CRK: variants seen among roughly 807,000 people sequenced by gnomAD.
The protein encoded by CRK is CRK proto-oncogene, adaptor protein.
A neutral mutation model predicts 29.8 loss-of-function variants in CRK; 4 were observed. The ratio of observed to expected loss-of-function variants is 0.13; its 90% CI spans 0.07 to 0.31. The LOEUF is 0.31. Ranked by LOEUF, CRK falls within the 10% of genes least tolerant of loss-of-function variation. The pLI is 1.00. For missense variants in CRK, 274 were observed against 396.5 expected, an observed-to-expected ratio of 0.69 and a Z score of 2.62; for synonymous variants, 153 against 164.9, an observed-to-expected ratio of 0.93 and a Z score of 0.55.
chr17:1,453,022 G>A (rs1049751421), intron 1 of CRK, among the ~76,000 whole-genome samples: 1 of 152,120 alleles, frequency 6.6e-6, no homozygotes, highest in African/African-American at 2.4e-5. Flanking sequence ...GTGGGAGGAT[G>A]GCTTGAGCCC....
intron 1 of CRK, among the ~76,000 whole-genome samples, chr17:1,452,434 G>A (rs2074025077): frequency 6.6e-6 from 1 of 152,074 alleles, no homozygotes. Flanking sequence ...TTGGTGAGGG[G>A]GAGAACAAAG....
chr17:1,449,658 G>T (rs1365956785), intron 1 of CRK, among the ~76,000 whole-genome samples: 1 of 152,120 alleles, frequency 6.6e-6, no homozygotes, highest in African/African-American at 2.4e-5. Context: ...GTGTCAACCT[G>T]AAAGGTTTAG....
At chr17:1,442,465 A>C (rs1316092247) in intron 1 of CRK, among the ~76,000 whole-genome samples, 7 of 151,936 alleles carry the variant, frequency 4.6e-5, no homozygotes, top group African/African-American at 1.7e-4. Context: ...TGCAGATGTG[A>C]GCCAGTGCCG....
intron 1 of CRK, among the ~76,000 whole-genome samples, chr17:1,439,970 C>T (rs771798017): frequency 6.6e-6 from 1 of 151,982 alleles, no homozygotes; most frequent in Non-Finnish European, 1.5e-5. Context: ...GTAGGCAACA[C>T]AGCCAAGACC....
At chr17:1,452,227 A>G (rs1163005402) in intron 1 of CRK, among the ~76,000 whole-genome samples, 2 of 152,184 alleles carry the variant, frequency 1.3e-5, no homozygotes, top group African/African-American at 4.8e-5. Flanking sequence ...TTCCTCCTGT[A>G]TAAAATGGGA....
At chr17:1,428,558 C>T (rs1475033450) in intron 2 of CRK, among the ~76,000 whole-genome samples, 1 of 134,208 alleles carries the variant, frequency 7.5e-6, no homozygotes, top group East Asian at 2.2e-4. Context: ...GCGTCTCACT[C>T]TGTTGCCCTG....
At chr17:1,446,425 C>A (rs920521039) in intron 1 of CRK, among the ~76,000 whole-genome samples, 1 of 151,996 alleles carries the variant, frequency 6.6e-6, no homozygotes. Context: ...GCAGGCCGAG[C>A]GAAATACATT....
At chr17:1,428,273 C>T (rs2073801548) in intron 2 of CRK, among the ~76,000 whole-genome samples, 1 of 151,684 alleles carries the variant, frequency 6.6e-6, no homozygotes, top group Non-Finnish European at 1.5e-5. Context: ...CGCCCGCCAC[C>T]ACGCCCAGCT....
intron 1 of CRK, among the ~76,000 whole-genome samples, chr17:1,446,424 G>A (rs1489004573): frequency 1.3e-5 from 2 of 152,114 alleles, no homozygotes; most frequent in African/African-American, 2.4e-5. Flanking sequence ...AGCAGGCCGA[G>A]CGAAATACAT....
chr17:1,428,267 C>A (rs534284258), intron 2 of CRK, among the ~76,000 whole-genome samples: 1 of 141,798 alleles, frequency 7.1e-6, no homozygotes, highest in Non-Finnish European at 1.6e-5. Context: ...TACAGGCGCC[C>A]GCCACCACGC....
At chr17:1,442,984 C>CTTTTT (rs34493870) in intron 1 of CRK, among the ~76,000 whole-genome samples, 16 of 140,154 alleles carry the variant, frequency 1.1e-4, no homozygotes, top group African/African-American at 2.4e-4. Flanking sequence ...CCCTTTCTTT[C>CTTTTT]TTTTTTTTTT....
At chr17:1,423,918 G>C (rs1487066406) in intron 2 of CRK, among the ~76,000 whole-genome samples, 1 of 152,182 alleles carries the variant, frequency 6.6e-6, no homozygotes, top group East Asian at 1.9e-4. Flanking sequence ...GATTAAAAAA[G>C]GAAAGTGATA....
chr17:1,436,635 T>C lies in CRK; in HGVS notation c.762A>G (p.Thr254=). The part of the protein sequence containing the change: ...QKRVPNAYDK[T]ALALEVGELV... ...CGTTATGTACCTCCAAAGCCAAGGC[T>C]GTCTTGTCGTAGGCATTGGGGACTC... The change falls in exon 2 of 3, where the codon ACA becomes ACG. Residue 254 remains threonine, a synonymous_variant. Coordinates refer to ENST00000300574, the MANE Select transcript of CRK (RefSeq NM_016823.4). The C allele has an allele frequency of 1.2e-6, 2 of 1,605,450 alleles. No individual in the cohort carries two copies. Among genetic ancestry groups the C allele is most frequent in the Non-Finnish European group, 1.7e-6 (2 of 1,177,120 alleles).
At chr17:1,433,871 A>G (rs1319352609) in intron 2 of CRK, among the ~76,000 whole-genome samples, 1 of 146,638 alleles carries the variant, frequency 6.8e-6, no homozygotes, top group Non-Finnish European at 1.5e-5. Context: ...AATTTTTAAA[A>G]ACATTTTTTG....
intron 2 of CRK, among the ~76,000 whole-genome samples, chr17:1,431,906 A>T (rs2073847993): frequency 6.6e-6 from 1 of 152,244 alleles, no homozygotes; most frequent in African/African-American, 2.4e-5. Context: ...AGTAGTTCTA[A>T]CACTACTGAT....
At chr17:1,429,472 C>G (rs7211395) in intron 2 of CRK, among the ~76,000 whole-genome samples, 1 of 151,930 alleles carries the variant, frequency 6.6e-6, no homozygotes, top group Non-Finnish European at 1.5e-5. Context: ...CCAGGTTTCA[C>G]CACATTGGAC....
intron 2 of CRK, among the ~76,000 whole-genome samples, chr17:1,432,476 TAAA>T (rs59669841): frequency 3.0e-5 from 3 of 100,946 alleles, no homozygotes; most frequent in Non-Finnish European, 3.8e-5. Flanking sequence ...GACCTTGTCT[TAAA>T]AAAAAAAAAA....
intron 2 of CRK, among the ~76,000 whole-genome samples, chr17:1,430,420 G>T (rs888198096): frequency 1.4e-5 from 2 of 147,464 alleles, no homozygotes; most frequent in Non-Finnish European, 3.0e-5. Context: ...GCAGTGGCGC[G>T]ATCTTGGCTC....
intron 1 of CRK, among the ~76,000 whole-genome samples, chr17:1,452,667 G>A (rs1011086726): frequency 6.6e-6 from 1 of 152,090 alleles, no homozygotes; most frequent in Admixed American, 6.6e-5. Context: ...GTGGGCGCCT[G>A]TAATTCCAGC....
Sources: gnomAD v4.1 joint callset for allele counts (sites outside exome capture counted in the v4.1 genomes callset) on GRCh38, gnomAD v4.1.1 for gene constraint, MANE v1.5 for transcripts, NCBI Gene and HGNC (gene_info 2026-07-23, HGNC 2026-07-21) for gene names.